The following ASIC2 variants were observed in gnomAD, a reference collection of about 807,000 sequenced individuals.
ASIC2 encodes acid sensing ion channel subunit 2.
In ASIC2, 25 loss-of-function variants were observed where a neutral mutation model predicts 57.3. That is an observed-to-expected ratio of 0.44 (90% CI 0.32 to 0.61). The LOEUF (loss-of-function observed/expected upper bound fraction) is 0.61. Among genes scored for constraint, ASIC2 ranks in the 20% least tolerant of loss-of-function variants. ASIC2 has a pLI of 0.06. For missense variants in ASIC2, 641 were observed against 738.1 expected (o/e 0.87, Z 1.52); for synonymous variants, 319 against 307.5 (o/e 1.04, Z -0.39).
chr17:33,184,396 A>T (rs915228659), intron 1 of ASIC2, among the ~76,000 whole-genome samples: 6 of 152,146 alleles, frequency 3.9e-5, no homozygotes, highest in Admixed American at 1.3e-4. Context: ...AGTTCCCTGA[A>T]AACACCGCCA....
intron 1 of ASIC2, among the ~76,000 whole-genome samples, chr17:34,130,955 T>C (rs1463710640): frequency 6.6e-6 from 1 of 151,906 alleles, no homozygotes; most frequent in African/African-American, 2.4e-5. Context: ...GTACAGCGAG[T>C]AGGGAGAGAT....
chr17:33,425,968 C>T (rs1174069374), intron 1 of ASIC2, among the ~76,000 whole-genome samples: 1 of 152,142 alleles, frequency 6.6e-6, no homozygotes, highest in Non-Finnish European at 1.5e-5. Context: ...AGCGCAGGGA[C>T]TCTGGAGAGA....
chr17:33,688,110 G>T (rs1172447107), intron 1 of ASIC2, among the ~76,000 whole-genome samples: 1 of 152,150 alleles, frequency 6.6e-6, no homozygotes, highest in Admixed American at 6.5e-5. Flanking sequence ...GTGGCCTGAG[G>T]GTTAATTGGA....
chr17:34,121,350 C>G (rs1489798781), intron 1 of ASIC2, among the ~76,000 whole-genome samples: 1 of 152,182 alleles, frequency 6.6e-6, no homozygotes, highest in Non-Finnish European at 1.5e-5. Context: ...CTTCCAAACA[C>G]TGGAAAGGAA....
chr17:33,350,957 A>G (rs1410651679), intron 1 of ASIC2, among the ~76,000 whole-genome samples: 1 of 152,174 alleles, frequency 6.6e-6, no homozygotes, highest in South Asian at 2.1e-4. Flanking sequence ...GGGATTCCAC[A>G]GCATTTCCTC....
intron 1 of ASIC2, among the ~76,000 whole-genome samples, chr17:33,840,396 G>A (rs1194325966): frequency 5.9e-5 from 9 of 152,150 alleles, no homozygotes; most frequent in Non-Finnish European, 8.8e-5. Context: ...GAGCAAAGAC[G>A]CTTCAGGCAT....
chr17:33,071,675 C>A (rs535547327), intron 3 of ASIC2, among the ~76,000 whole-genome samples: 1 of 152,284 alleles, frequency 6.6e-6, no homozygotes, highest in African/African-American at 2.4e-5. Context: ...TTTTATATCC[C>A]TATAAATATT....
chr17:33,287,332 G>A (rs941620225), intron 1 of ASIC2, among the ~76,000 whole-genome samples: 1 of 152,216 alleles, frequency 6.6e-6, no homozygotes, highest in Admixed American at 6.5e-5. Flanking sequence ...GCCAGAGAGA[G>A]AGCCATTGCT....
At chr17:34,100,604 G>A (rs1910830215) in intron 1 of ASIC2, among the ~76,000 whole-genome samples, 1 of 151,998 alleles carries the variant, frequency 6.6e-6, no homozygotes, top group African/African-American at 2.4e-5. Flanking sequence ...AATGCAGAAG[G>A]GAACACAGGA....
intron 1 of ASIC2, among the ~76,000 whole-genome samples, chr17:34,151,114 A>T (rs1315772724): frequency 7.5e-5 from 11 of 147,188 alleles, no homozygotes; most frequent in Non-Finnish European, 1.3e-4. Flanking sequence ...AGAAAAAAAA[A>T]AAAAAAAAAA....
chr17:33,505,656 T>G, intron 1 of ASIC2, among the ~76,000 whole-genome samples: 1 of 152,232 alleles, frequency 6.6e-6, no homozygotes, highest in East Asian at 1.9e-4. Context: ...CAGATTCAAC[T>G]TAAGCTTAAT....
chr17:33,562,498 T>C (rs1307880150), intron 1 of ASIC2, among the ~76,000 whole-genome samples: 1 of 152,240 alleles, frequency 6.6e-6, no homozygotes, highest in Non-Finnish European at 1.5e-5. Context: ...CTAGGACCGA[T>C]GGATGTCATT....
intron 1 of ASIC2, among the ~76,000 whole-genome samples, chr17:34,059,898 T>G (rs1908909499): frequency 6.6e-6 from 1 of 152,172 alleles, no homozygotes. Flanking sequence ...CTGAAGGTTG[T>G]TCCCTACCCA....
chr17:33,944,581 G>A (rs893958856), intron 1 of ASIC2, among the ~76,000 whole-genome samples: 1 of 152,148 alleles, frequency 6.6e-6, no homozygotes, highest in Admixed American at 6.5e-5. Context: ...TCAGGGGAGC[G>A]CCAAGAAAAC....
At chr17:33,381,389 G>T (rs2141946232) in intron 1 of ASIC2, among the ~76,000 whole-genome samples, 1 of 152,364 alleles carries the variant, frequency 6.6e-6, no homozygotes, top group Non-Finnish European at 1.5e-5. Context: ...GCCTCTCACA[G>T]CTGGAACCAG....
intron 1 of ASIC2, among the ~76,000 whole-genome samples, chr17:33,121,776 G>A (rs1364392794): frequency 2.6e-5 from 4 of 152,204 alleles, no homozygotes; most frequent in African/African-American, 9.7e-5. Flanking sequence ...GCCAGGCACT[G>A]TGCACAATGA....
intron 1 of ASIC2, among the ~76,000 whole-genome samples, chr17:33,424,594 T>G (rs1308405604): frequency 2.0e-5 from 3 of 152,222 alleles, no homozygotes; most frequent in African/African-American, 7.2e-5. Flanking sequence ...AATTAACATC[T>G]CCTTTTAAAA....
chr17:33,866,084 T>A (rs188124210), intron 1 of ASIC2, among the ~76,000 whole-genome samples: 8 of 152,310 alleles, frequency 5.3e-5, no homozygotes, highest in Admixed American at 4.6e-4. Flanking sequence ...GTAGTCATAG[T>A]TCATTTTTAT....
chr17:33,202,940 G>A (rs2142080108), intron 1 of ASIC2, among the ~76,000 whole-genome samples: 1 of 152,258 alleles, frequency 6.6e-6, no homozygotes, highest in East Asian at 1.9e-4. Flanking sequence ...GGATAGAGCT[G>A]GGCACTCACT....
Sources: gnomAD v4.1 joint callset for allele counts (sites outside exome capture counted in the v4.1 genomes callset) on GRCh38, gnomAD v4.1.1 for gene constraint, MANE v1.5 for transcripts, NCBI Gene and HGNC (gene_info 2026-07-23, HGNC 2026-07-21) for gene names.